ADAMTS9: variants seen among roughly 807,000 people sequenced by gnomAD.
ADAMTS9 encodes the protein A disintegrin and metalloproteinase with thrombospondin motifs 9.
Under a neutral mutation model 257.1 loss-of-function variants are expected in ADAMTS9, and 107 were observed. The ratio of observed to expected loss-of-function variants is 0.42; its 90% CI spans 0.36 to 0.49. The LOEUF is 0.49. Among genes scored for constraint, ADAMTS9 ranks in the 20% least tolerant of loss-of-function variants. The pLI is 0.03. For synonymous variants in ADAMTS9, 982 were observed against 880.9 expected (o/e 1.11, Z -2.03); for missense variants, 2,353 against 2,469.1 (o/e 0.95, Z 1.00).
At chr3:64,601,710 GCCATGATATC>G (rs933487304) in intron 26 of ADAMTS9, among the ~76,000 whole-genome samples, 4 of 152,084 alleles carry the variant, frequency 2.6e-5, no homozygotes, top group African/African-American at 9.7e-5. Flanking sequence ...ATATCACCTA[GCCATGATATC>G]CCCTTTCTCC....
chr3:64,550,380 T>A (rs1183423851), intron 31 of ADAMTS9: 1 of 152,250 alleles, frequency 6.6e-6, no homozygotes, highest in Non-Finnish European at 1.5e-5. Flanking sequence ...AGTTAGGAAA[T>A]CTCACATACT....
intron 3 of ADAMTS9, among the ~76,000 whole-genome samples, chr3:64,661,416 G>A (rs964143152): frequency 3.9e-5 from 6 of 152,078 alleles, no homozygotes; most frequent in Non-Finnish European, 5.9e-5. Context: ...CATTGAATTC[G>A]GCTCTTTTAT....
chr3:64,636,041 G>A (rs377593417), intron 12 of ADAMTS9, among the ~76,000 whole-genome samples: 1 of 151,898 alleles, frequency 6.6e-6, no homozygotes, highest in African/African-American at 2.4e-5. Flanking sequence ...TTGCCTGAAA[G>A]TAACTCATAC....
intron 6 of ADAMTS9, 63 bp from the exon 7 acceptor site, chr3:64,654,675 A>C: frequency 6.4e-7 from 1 of 1,573,996 alleles, no homozygotes; most frequent in Non-Finnish European, 8.7e-7. Flanking sequence ...ACAAGTAAAT[A>C]CTTTAGGGTC....
chr3:64,615,426 T>G lies in ADAMTS9; in HGVS notation c.3084A>C (p.Arg1028=), dbSNP rs1009216585. ...ATTTGCTGTCATCCAGTACATCATT[T>G]CGGGTATTGACACAAATAGCCCTTC... is the stretch of plus-strand genomic sequence containing the variant. ...QRRRAICVNT[R]NDVLDDSKCT... is the part of the protein sequence containing the mutation. The change falls in exon 21 of 40, where the codon CGA becomes CGC. Residue 1028 remains arginine, a synonymous_variant. Coordinates refer to ENST00000498707, the MANE Select transcript of ADAMTS9 (RefSeq NM_182920.2). 2.5e-6 allele frequency: 4 copies of G among 1,613,926 alleles called. No homozygotes were observed. In the African/African-American group the frequency reaches 5.3e-5, roughly 22 times the overall value.
At chr3:64,658,910 C>T in intron 3 of ADAMTS9, 119 bp from the exon 4 acceptor site, 1 of 1,047,674 alleles carries the variant, frequency 9.5e-7, no homozygotes, top group Admixed American at 2.4e-5. Context: ...AAAAACAAGT[C>T]CTCCATGGAC....
intron 3 of ADAMTS9, 125 bp downstream of exon 3, chr3:64,681,076 A>G: frequency 9.0e-7 from 1 of 1,110,290 alleles, no homozygotes; most frequent in Non-Finnish European, 1.3e-6. Context: ...ACATCATTTG[A>G]GGACTGAATA....
At chr3:64,602,345 T>G in intron 25 of ADAMTS9, 132 bp from the exon 26 acceptor site, 1 of 963,324 alleles carries the variant, frequency 1.0e-6, no homozygotes, top group Non-Finnish European at 1.5e-6. Context: ...GAATCACCCT[T>G]GTCTCCTCTT....
Position 64,621,175 on chromosome 3 carries a change from A to G in ADAMTS9, c.2752T>C (p.Cys918Arg), listed in dbSNP as rs1205571996. ...TGTCCAGGCTGGGGCAGCCGATCGC[A>G]TCTTTGATCAGAAACAGTAAGCTGA... is the stretch of plus-strand genomic sequence containing the variant. Reference protein sequence around the residue: ...SDQLTVSDQRCDRLPQPGHIT... With the variant: ...SDQLTVSDQRRDRLPQPGHIT... Residue 918 changes from cysteine to arginine, a missense_variant, in exon 19 of 40, where the codon TGC becomes CGC. Cys to Arg is a radical substitution (Grantham distance 180). Transcript: ENST00000498707. The G allele has an allele frequency of 1.2e-6, 2 of 1,613,954 alleles. No individual in the cohort carries two copies.
rs774690991 is a variant in ADAMTS9 at position 64,602,148 on chromosome 3, G to T, written c.3813C>A (p.His1271Gln). 1.5e-5 allele frequency: 25 copies of T among 1,614,106 alleles called. No homozygotes were observed. The highest frequency in any genetic ancestry group is 2.1e-5 in the Non-Finnish European group (25 of 1,179,990). ...GGTCACACTCACTCCGATCGATCAC[G>T]TGGTCACTGTAGTTGACACACATCA... ...RQVMCVNYSD[H>Q]VIDRSECDQD... is the part of the protein sequence containing the mutation. Residue 1271 changes from histidine (H) to glutamine (Q), a missense_variant, in exon 26 of 40, where the codon CAC (histidine) becomes CAA (glutamine). His to Gln is a conservative substitution (Grantham distance 24). Around this residue, in one of 3 missense-constraint regions of ADAMTS9, gnomAD observed 1,402 missense variants for 1,441.4 expected, o/e 0.97. Transcript: ENST00000498707.
At chr3:64,609,025 C>A (rs201733496) in intron 22 of ADAMTS9, among the ~76,000 whole-genome samples, 14,480 of 128,394 alleles carry the variant, frequency 0.11, 886 homozygotes, top group East Asian at 0.35. Context: ...GAAAAAAAAA[C>A]ATGATTATCT....
At chr3:64,673,516 G>T (rs962765151) in intron 3 of ADAMTS9, among the ~76,000 whole-genome samples, 1 of 152,138 alleles carries the variant, frequency 6.6e-6, no homozygotes, top group Non-Finnish European at 1.5e-5. Flanking sequence ...CAGCGATGAC[G>T]ACAACAAAGT....
intron 30 of ADAMTS9, among the ~76,000 whole-genome samples, chr3:64,551,451 T>C (rs2083270563): frequency 6.6e-6 from 1 of 152,130 alleles, no homozygotes; most frequent in South Asian, 2.1e-4. Context: ...CCTCGTGATC[T>C]GCCCACCTCG....
chr3:64,655,494 A>C (rs1176194338), intron 6 of ADAMTS9, 82 bp downstream of exon 6: 1 of 1,160,518 alleles, frequency 8.6e-7, no homozygotes, highest in Non-Finnish European at 1.3e-6. Flanking sequence ...CTCCACTAGC[A>C]GCTGACTATT....
chr3:64,565,537 G>T (rs2083522129), intron 29 of ADAMTS9: 1 of 152,192 alleles, frequency 6.6e-6, no homozygotes, highest in Non-Finnish European at 1.5e-5. Context: ...TTGATTGCAT[G>T]AATTCATGAT....
At chr3:64,550,797 G>A in intron 31 of ADAMTS9, 95 bp downstream of exon 31, 3 of 1,497,612 alleles carry the variant, frequency 2.0e-6, no homozygotes, top group South Asian at 2.5e-5. Flanking sequence ...GTAGCCTCAA[G>A]TCTCCCACAT....
intron 2 of ADAMTS9, among the ~76,000 whole-genome samples, chr3:64,685,701 G>T (rs1273486947): frequency 6.6e-6 from 1 of 152,188 alleles, no homozygotes; most frequent in African/African-American, 2.4e-5. Context: ...GCGCAAGAAG[G>T]CGGCCTCCCC....
At chr3:64,527,917 T>A (rs1299607927) in intron 38 of ADAMTS9, among the ~76,000 whole-genome samples, 1 of 152,224 alleles carries the variant, frequency 6.6e-6, no homozygotes, top group Non-Finnish European at 1.5e-5. Flanking sequence ...TACACATGTG[T>A]GTTTATTTCA....
intron 36 of ADAMTS9, 147 bp from the exon 37 acceptor site, chr3:64,539,441 G>A: frequency 1.4e-6 from 1 of 700,584 alleles, no homozygotes; most frequent in Non-Finnish European, 2.5e-6. Context: ...ATATTAGTGG[G>A]TAAATGGATC....
Sources: allele counts gnomAD v4.1 joint callset (sites outside exome capture counted in the v4.1 genomes callset), GRCh38; gene constraint gnomAD v4.1.1; regional missense constraint gnomAD v4.1.1; transcripts MANE v1.5; gene names NCBI Gene and HGNC (gene_info 2026-07-23, HGNC 2026-07-21).